The following CCSER1 variants were observed in gnomAD, a reference collection of about 807,000 sequenced individuals.
CCSER1 encodes serine-rich coiled-coil domain-containing protein 1.
In CCSER1, 41 loss-of-function variants were observed where a neutral mutation model predicts 82.0. That is an observed-to-expected ratio of 0.50 (90% confidence interval 0.39 to 0.65). The LOEUF (loss-of-function observed/expected upper bound fraction) is 0.65, where lower values mean the gene tolerates loss of function less well. Among genes scored for constraint, CCSER1 ranks in the 30% least tolerant of loss-of-function variants. The pLI is 0.00. For synonymous variants in CCSER1, 414 were observed against 383.9 expected (o/e 1.08, Z -0.92); for missense variants, 1,119 against 1,064.2 (o/e 1.05, Z -0.72).
chr4:91,550,123 C>T (rs749306648), intron 10 of CCSER1, among the ~76,000 whole-genome samples: 8 of 152,266 alleles, frequency 5.3e-5, no homozygotes, highest in Non-Finnish European at 1.0e-4. Context: ...GCAGGTTAGG[C>T]TCTGGGAAAA....
At chr4:90,814,607 C>T (rs2149758777) in intron 7 of CCSER1, among the ~76,000 whole-genome samples, 1 of 152,266 alleles carries the variant, frequency 6.6e-6, no homozygotes, top group African/African-American at 2.4e-5. Flanking sequence ...TCAGCCAGGT[C>T]ACCTCTTGAA....
chr4:90,833,146 A>G (rs1308644435), intron 8 of CCSER1, among the ~76,000 whole-genome samples: 1 of 152,162 alleles, frequency 6.6e-6, no homozygotes, highest in Non-Finnish European at 1.5e-5. Flanking sequence ...AAGATCAAGG[A>G]ACTGGCAGGT....
At chr4:91,223,898 G>A (rs1737945455) in intron 10 of CCSER1, among the ~76,000 whole-genome samples, 1 of 152,064 alleles carries the variant, frequency 6.6e-6, no homozygotes, top group Non-Finnish European at 1.5e-5. Flanking sequence ...AACGCACTTT[G>A]TCTATGCAAT....
intron 7 of CCSER1, among the ~76,000 whole-genome samples, chr4:90,760,094 T>C (rs1750193416): frequency 6.6e-6 from 1 of 152,020 alleles, no homozygotes; most frequent in Non-Finnish European, 1.5e-5. Context: ...AACAGTCTTG[T>C]AAGCAATAAT....
intron 9 of CCSER1, among the ~76,000 whole-genome samples, chr4:91,048,519 T>C (rs896582153): frequency 9.9e-5 from 15 of 152,130 alleles, no homozygotes; most frequent in African/African-American, 3.6e-4. Flanking sequence ...ACCTGAAATA[T>C]GATTTGTATT....
At chr4:91,144,507 G>A (rs1729358819) in intron 10 of CCSER1, among the ~76,000 whole-genome samples, 1 of 151,298 alleles carries the variant, frequency 6.6e-6, no homozygotes, top group Non-Finnish European at 1.5e-5. Flanking sequence ...GGTACCTTTG[G>A]GGCTAGTTTG....
intron 8 of CCSER1, among the ~76,000 whole-genome samples, chr4:90,878,176 T>C (rs1205804777): frequency 6.6e-6 from 1 of 152,154 alleles, no homozygotes; most frequent in Non-Finnish European, 1.5e-5. Flanking sequence ...CACAGCTGTA[T>C]GTTCCAAAAG....
chr4:90,854,350 C>T (rs1250653663), intron 8 of CCSER1, among the ~76,000 whole-genome samples: 3 of 152,160 alleles, frequency 2.0e-5, no homozygotes, highest in Admixed American at 2.0e-4. Flanking sequence ...TATAGATTTA[C>T]TCCAAGTAGG....
At position 91,519,220 on chromosome 4, in the gene CCSER1, C is replaced by T. The variant is rs1247614487; in HGVS notation, c.2218-79352C>T. Among the ~76,000 whole-genome samples, 5 of 152,158 alleles carry T rather than the reference C, an allele frequency of 3.3e-5. No individual in the cohort carries two copies. The East Asian group carries it at 7.7e-4, about 23-fold the overall frequency. ...ACAGTCCTGCCACTTTTCCATAGGG[C>T]GGCCACACTGTACTGGGGGTCCGCT... On this transcript the variant is annotated intron_variant, in intron 10 of 10. Transcript: ENST00000509176.
chr4:90,610,679 T>TCC (rs1270494949), intron 5 of CCSER1, among the ~76,000 whole-genome samples: 3 of 152,132 alleles, frequency 2.0e-5, no homozygotes, highest in African/African-American at 7.2e-5. Context: ...ACAATAAACT[T>TCC]CATGTTAGTA....
At chr4:90,292,289 T>C (rs552287886) in intron 1 of CCSER1, among the ~76,000 whole-genome samples, 1 of 152,054 alleles carries the variant, frequency 6.6e-6, no homozygotes, top group East Asian at 1.9e-4. Context: ...CTAGAAAAAA[T>C]GATATTCAGA....
At chr4:90,539,046 A>T (rs1045294441) in intron 5 of CCSER1, among the ~76,000 whole-genome samples, 84 of 152,188 alleles carry the variant, frequency 5.5e-4, no homozygotes, top group African/African-American at 1.9e-3. Context: ...ATGCAGTATA[A>T]TTTCTATCAT....
At chr4:90,517,875 A>T (rs1394166096) in intron 5 of CCSER1, among the ~76,000 whole-genome samples, 1 of 152,112 alleles carries the variant, frequency 6.6e-6, no homozygotes, top group Non-Finnish European at 1.5e-5. Flanking sequence ...CAGATTAATC[A>T]TCCTGGCTTT....
intron 10 of CCSER1, among the ~76,000 whole-genome samples, chr4:91,170,053 C>G (rs1224618336): frequency 2.0e-5 from 3 of 152,172 alleles, no homozygotes; most frequent in Non-Finnish European, 4.4e-5. Flanking sequence ...ATATATCCAT[C>G]TGCTTCTGTA....
Position 90,683,722 on chromosome 4 carries a change from G to A in CCSER1, c.1933-40192G>A, listed in dbSNP as rs115344289. ...TTTTTAAACTGACAAAAAGAAAATA[G>A]CATACCTATTTAAATCAAGAAAAGG... On this transcript the variant is annotated intron_variant, in intron 6 of 10. Transcript: ENST00000509176. Among the ~76,000 whole-genome samples, 707 of 152,012 alleles carry A rather than the reference G, an allele frequency of 4.7e-3. 2 individuals are homozygous for A. Among genetic ancestry groups the A allele is most frequent in the African/African-American group, 0.014 (588 of 41,486 alleles).
At chr4:90,722,571 T>G (rs2149370105) in intron 6 of CCSER1, among the ~76,000 whole-genome samples, 1 of 151,976 alleles carries the variant, frequency 6.6e-6, no homozygotes, top group East Asian at 1.9e-4. Context: ...AATAACTAAC[T>G]CACTTCAATT....
chr4:90,495,257 A>G (rs1203973028), intron 5 of CCSER1, among the ~76,000 whole-genome samples: 2 of 152,192 alleles, frequency 1.3e-5, no homozygotes, highest in East Asian at 3.8e-4. Context: ...TGAAATGGTT[A>G]ATAACTTTGT....
At chr4:91,569,975 A>G (rs1763088784) in intron 10 of CCSER1, among the ~76,000 whole-genome samples, 1 of 152,100 alleles carries the variant, frequency 6.6e-6, no homozygotes, top group Non-Finnish European at 1.5e-5. Context: ...CCTAGATATG[A>G]TGGGGGAAAA....
At chr4:90,519,881 T>G (rs1286396195) in intron 5 of CCSER1, among the ~76,000 whole-genome samples, 2 of 152,048 alleles carry the variant, frequency 1.3e-5, no homozygotes, top group Non-Finnish European at 2.9e-5. Context: ...TTAAATAATC[T>G]TAACTCTTAC....
Sources: gnomAD v4.1 joint callset for allele counts (sites outside exome capture counted in the v4.1 genomes callset) on GRCh38, gnomAD v4.1.1 for gene constraint, MANE v1.5 for transcripts, NCBI Gene and HGNC (gene_info 2026-07-23, HGNC 2026-07-21) for gene names.